The following KIF7 variants were observed in gnomAD, a reference collection of about 807,000 sequenced individuals.
The protein encoded by KIF7 is kinesin-like protein KIF7.
Under a neutral mutation model 135.7 loss-of-function variants are expected in KIF7, and 104 were observed. That is an observed-to-expected ratio of 0.77 (90% CI 0.65 to 0.90). The LOEUF is 0.90. Among genes scored for constraint, KIF7 ranks in the 40% least tolerant of loss-of-function variants. KIF7 has a pLI of 0.00. For synonymous variants in KIF7, 883 were observed against 809.4 expected (o/e 1.09, Z -1.54); for missense variants, 2,005 against 1,839.1 (o/e 1.09, Z -1.65).
At position 89,633,740 on chromosome 15, in the gene KIF7, C is replaced by T. The variant is rs746816055; in HGVS notation, c.2538G>A (p.Thr846=). ...CTGCCTCCAGGCGCCGCTTCTGCTC[C>T]GTCTCCTCGCGAAGCCGCCTCTGCA... ...GQLQRRLREE[T]EQKRRLEAEM... Residue 846 remains threonine, a synonymous_variant, in exon 12 of 19, where the codon ACG becomes ACA. Coordinates refer to ENST00000394412, the MANE Select transcript of KIF7 (RefSeq NM_198525.3). 28 of 1,609,070 alleles carry T rather than the reference C, an allele frequency of 1.7e-5. 1 individual carries two copies. Among genetic ancestry groups the T allele is most frequent in the Middle Eastern group, 1.7e-4 (1 of 6,012 alleles).
intron 7 of KIF7, among the ~76,000 whole-genome samples, chr15:89,646,311 C>T (rs1964012364): frequency 6.6e-6 from 1 of 152,130 alleles, no homozygotes; most frequent in African/African-American, 2.4e-5. Flanking sequence ...TATCTCACCA[C>T]CAATTCCCTG....
At chr15:89,625,780 G>T (rs756983582), downstream of KIF7, 2 of 1,595,992 alleles carry the variant, frequency 1.3e-6, no homozygotes, top group East Asian at 2.2e-5. Context: ...AGAGGTGTTT[G>T]TTTCCGGTGA....
intron 11 of KIF7, among the ~76,000 whole-genome samples, chr15:89,634,385 C>T (rs1387822591): frequency 6.6e-6 from 1 of 152,182 alleles, no homozygotes; most frequent in Non-Finnish European, 1.5e-5. Flanking sequence ...ACGCAGAAGA[C>T]GGGTGATTTC....
At chr15:89,652,995 C>T (rs1210782752) in intron 1 of KIF7, 41 bp from the exon 2 acceptor site, 17 of 1,401,062 alleles carry the variant, frequency 1.2e-5, no homozygotes, top group Non-Finnish European at 1.6e-5. Flanking sequence ...AGCACTTGTA[C>T]TCCAGGAGCT....
upstream of KIF7, chr15:89,655,475 T>G (rs1964194766): frequency 1.3e-5 from 2 of 151,956 alleles, no homozygotes; most frequent in African/African-American, 4.8e-5. Flanking sequence ...GATGCCGTCA[T>G]CGGGACCCCC....
intron 14 of KIF7, among the ~76,000 whole-genome samples, chr15:89,632,315 C>T (rs534292060): frequency 1.1e-4 from 16 of 152,192 alleles, no homozygotes; most frequent in Admixed American, 3.3e-4. Context: ...CAGAAGACAA[C>T]GCTGTGGCTC....
At chr15:89,624,354 C>T (rs765029357), downstream of KIF7, 18 of 1,614,130 alleles carry the variant, frequency 1.1e-5, no homozygotes, top group Non-Finnish European at 1.5e-5. Context: ...TGTCACCCAG[C>T]GTAGCTGCAT....
chr15:89,649,759 C>G lies in KIF7; in HGVS notation c.511G>C (p.Asp171His). 3 of 1,551,916 alleles carry G rather than the reference C, an allele frequency of 1.9e-6. No homozygotes were observed. Among genetic ancestry groups the G allele is most frequent in the Non-Finnish European group, 2.6e-6 (3 of 1,147,038 alleles). Residue 171 changes from aspartate (D) to histidine (H), a missense_variant, in exon 3 of 19, where the codon GAT (aspartate) becomes CAT (histidine). By Grantham distance (81) the Asp-to-His change is moderately conservative (BLOSUM62 -1). Coordinates refer to ENST00000394412, the MANE Select transcript of KIF7 (RefSeq NM_198525.3). ...TASRDIQLRE[D>H]ERGNVVLCGV... is the part of the protein sequence containing the mutation. ...TCCTCACCAACATTCCCGCGCTCAT[C>G]TTCCCGGAGCTGGATGTCACGGCTG...
rs924800807 is a variant in KIF7 at position 89,650,177 on chromosome 15, T to G, written c.329-236A>C. On this transcript the variant is annotated intron_variant, in intron 2 of 18. Coordinates refer to ENST00000394412, the MANE Select transcript of KIF7 (RefSeq NM_198525.3). Reference sequence around the variant, plus strand: ...ACCTCTCCTGATTCAATCAACCCCTTTCATGCTGTAAGCATCCCCTTCACT... The same window carrying G: ...ACCTCTCCTGATTCAATCAACCCCTGTCATGCTGTAAGCATCCCCTTCACT... The G allele has an allele frequency of 1.4e-5, 8 of 556,030 alleles. No homozygotes were observed. The Middle Eastern group carries it at 1.5e-3, about 103-fold the overall frequency. The allele number at this position is 556,030 out of a possible 1,614,324, so 34.4% of individuals were successfully genotyped here.
rs181302575 is a variant in KIF7, at chr15:89,635,553, G to C, written c.2395-1670C>G. ...ATGCAGAAGCCTCAGGAGCTGATGC[G>C]ATCAACTGGAAGAAAGGGTATCAGT... On this transcript the variant is annotated intron_variant, in intron 11 of 18. Transcript: ENST00000394412. 5.6e-4 allele frequency among the ~76,000 whole-genome samples: 86 copies of C among 152,292 alleles called. 1 individual carries two copies. The East Asian group carries it at 7.5e-3, about 13-fold the overall frequency.
intron 1 of KIF7, chr15:89,621,621 A>C: frequency 7.5e-7 from 1 of 1,341,328 alleles, no homozygotes; most frequent in Non-Finnish European, 1.0e-6. Flanking sequence ...AGGAACTCAG[A>C]GTCCATTAGG....
intron 1 of KIF7, among the ~76,000 whole-genome samples, chr15:89,620,694 C>T (rs376181224): frequency 6.6e-6 from 1 of 152,064 alleles, no homozygotes; most frequent in African/African-American, 2.4e-5. Context: ...CTTTTATGAA[C>T]TGGCTGGGTT....
chr15:89,637,377 T>G (rs200843322), intron 11 of KIF7, among the ~76,000 whole-genome samples: 2 of 150,124 alleles, frequency 1.3e-5, no homozygotes, highest in Non-Finnish European at 3.0e-5. Flanking sequence ...TTCAAAAAAT[T>G]AATGAATCCA....
chr15:89,625,635 A>T (rs770483522), downstream of KIF7: 1 of 1,613,418 alleles, frequency 6.2e-7, no homozygotes, highest in East Asian at 2.2e-5. Context: ...CCAGGAAGAG[A>T]GTCCTGTTGG....
At chr15:89,658,556 T>C (rs1246267965), upstream of KIF7, among the ~76,000 whole-genome samples, 2 of 151,356 alleles carry the variant, frequency 1.3e-5, no homozygotes, top group Non-Finnish European at 2.9e-5. Context: ...ACCATACTTA[T>C]AAAAATTAAT....
intron 6 of KIF7, among the ~76,000 whole-genome samples, 183 bp downstream of exon 6, chr15:89,647,413 G>A (rs1434422473): frequency 6.6e-6 from 1 of 152,114 alleles, no homozygotes; most frequent in Non-Finnish European, 1.5e-5. Flanking sequence ...TGGCGGTCCT[G>A]CACACCCACC....
At chr15:89,654,306 G>T (rs1369276167) in intron 1 of KIF7, among the ~76,000 whole-genome samples, 1 of 143,122 alleles carries the variant, frequency 7.0e-6, no homozygotes, top group African/African-American at 2.6e-5. Flanking sequence ...ACCGTGCCCG[G>T]CCTGGGATTC....
Position 89,629,377 on chromosome 15 carries a change from C to T in KIF7, c.3515G>A (p.Arg1172Gln), listed in dbSNP as rs1275424943. The T allele has an allele frequency of 8.2e-6, 13 of 1,593,016 alleles. No individual in the cohort carries two copies. In the East Asian group the frequency reaches 9.0e-5, roughly 11 times the overall value. ...QNMQLLLQQS[R>Q]DHLGEGLADS... ...GAGCCATGGGCCGGGCTGCTCACCT[C>T]GACTCTGCTGCAGGAGCAGCTGCAT... The change falls in exon 17 of 19, where the codon CGA becomes CAA. Residue 1172 changes from arginine to glutamine, a missense_variant and splice_region_variant. Coordinates refer to ENST00000394412, the MANE Select transcript of KIF7 (RefSeq NM_198525.3).
rs967769378 is a variant in KIF7 at position 89,649,296 on chromosome 15, C to T, written c.601G>A (p.Ala201Thr). The change falls in exon 4 of 19, where the codon GCG (alanine) becomes ACG (threonine). Residue 201 changes from alanine to threonine, a missense_variant. By Grantham distance (58) the Ala-to-Thr change is moderately conservative. Transcript: ENST00000394412. ...TGCGTGGCTCCCGTGTGCCGCGCCG[C>T]GTTGCCCATCTCCAGGAGGCTCAGC... is the stretch of plus-strand genomic sequence containing the variant. ...EVLSLLEMGN[A>T]ARHTGATHLN... 2.1e-5 allele frequency: 31 copies of T among 1,495,440 alleles called. No individual in the cohort carries two copies. Among genetic ancestry groups the T allele is most frequent in the African/African-American group, 1.4e-4 (10 of 71,664 alleles). The allele number at this position is 1,495,440 out of a possible 1,614,324, so 92.6% of individuals were successfully genotyped here. A position where few individuals can be genotyped will look rare whatever the true frequency, so the allele number is the denominator to read the frequency against.
Sources: gnomAD v4.1 joint callset for allele counts (sites outside exome capture counted in the v4.1 genomes callset) on GRCh38, gnomAD v4.1.1 for gene constraint, MANE v1.5 for transcripts, NCBI Gene and HGNC (gene_info 2026-07-23, HGNC 2026-07-21) for gene names.